GRK7: variants seen among roughly 807,000 people sequenced by gnomAD.
The protein encoded by GRK7 is rhodopsin kinase GRK7.
In GRK7, 24 loss-of-function variants were observed where a neutral mutation model predicts 34.1. That is an observed-to-expected ratio of 0.70 (90% CI 0.51 to 0.99). The LOEUF is 0.99. Ranked by LOEUF, GRK7 falls within the 50% of genes least tolerant of loss-of-function variation. The pLI, the probability that GRK7 is intolerant of heterozygous loss-of-function variation, is 0.00. For synonymous variants in GRK7, 256 were observed against 279.4 expected (o/e 0.92, Z 0.84); for missense variants, 644 against 707.3 (o/e 0.91, Z 1.02).
At chr3:141,807,489 A>G (rs1229116724) in intron 4 of GRK7, among the ~76,000 whole-genome samples, 156 bp from the exon 5 acceptor site, 2 of 152,216 alleles carry the variant, frequency 1.3e-5, no homozygotes, top group African/African-American at 4.8e-5. Flanking sequence ...AGCACAAAGA[A>G]TAGGTTAGAC....
At chr3:141,797,539 C>G (rs759622228) in intron 4 of GRK7, among the ~76,000 whole-genome samples, 4 of 152,202 alleles carry the variant, frequency 2.6e-5, no homozygotes, top group Non-Finnish European at 5.9e-5. Context: ...TGTTTTTTTC[C>G]TCTGCTCAAC....
chr3:141,809,009 G>A (rs1711064799), intron 5 of GRK7, among the ~76,000 whole-genome samples: 2 of 151,882 alleles, frequency 1.3e-5, no homozygotes, highest in South Asian at 4.2e-4. Flanking sequence ...GACCAGCCTG[G>A]CCAAGATATG....
chr3:141,819,024 A>C lies in GRK7; in HGVS notation c.*1974A>C, dbSNP rs1157303500. Among the ~76,000 whole-genome samples, 1 of 152,030 alleles carries C rather than the reference A, an allele frequency of 6.6e-6. No homozygotes were observed. The highest frequency in any genetic ancestry group is 1.5e-5 in the Non-Finnish European group (1 of 68,024). On this transcript the variant is annotated 3_prime_UTR_variant, in exon 6 of 6. Coordinates refer to ENST00000682958, the MANE Select transcript of GRK7 (RefSeq NM_139209.3). ...TAGATTTCTGTGTCACCAAAGCAGGATAGAAGTGTGCCCAGGAGATTTTTT... is the reference window on the plus strand; with the variant it reads ...TAGATTTCTGTGTCACCAAAGCAGGCTAGAAGTGTGCCCAGGAGATTTTTT...
rs1397439354 is a variant in GRK7, at chr3:141,818,057, T to C, written c.*1007T>C. 6.6e-6 allele frequency: 1 copy of C among 152,250 alleles called. No individual in the cohort carries two copies. The highest frequency in any genetic ancestry group is 1.5e-5 in the Non-Finnish European group (1 of 68,044). 9.4% of individuals were successfully genotyped at this position (152,250 alleles called of 1,614,324 possible). A position where few individuals can be genotyped will look rare whatever the true frequency, so the allele number is the denominator to read the frequency against. On this transcript the variant is annotated 3_prime_UTR_variant, in exon 6 of 6. Coordinates refer to ENST00000682958, the MANE Select transcript of GRK7 (RefSeq NM_139209.3). ...GCATGTCATTTTAGTAATTGCAGTA[T>C]AAATGAAACAAGACAGTCTATTCAT...
intron 2 of GRK7, among the ~76,000 whole-genome samples, chr3:141,776,794 C>G (rs2084641765): frequency 6.7e-6 from 1 of 150,372 alleles, no homozygotes; most frequent in East Asian, 1.9e-4. Context: ...TTTTCCCCCT[C>G]CTTCTCCCTC....
At chr3:141,755,130 G>A in the GRK7 span, among the ~76,000 whole-genome samples, 2 of 152,204 alleles carry the variant, frequency 1.3e-5, no homozygotes, top group African/African-American at 4.8e-5. Context: ...AATAGAAATA[G>A]CATGTGGTGG....
chr3:141,799,638 G>A lies in GRK7; in HGVS notation c.1051-8007G>A, dbSNP rs569072231. On this transcript the variant is annotated intron_variant, in intron 4 of 5. Coordinates refer to ENST00000682958, the MANE Select transcript of GRK7 (RefSeq NM_139209.3). The stretch of plus-strand genomic sequence containing the variant: ...AAAAAAAAAACAAGGTGCAGCCTGT[G>A]TGTGATTCTTAGGTTGGTGATCTTA... Among the ~76,000 whole-genome samples the A allele has an allele frequency of 6.6e-4, 100 of 152,044 alleles. 3 individuals are homozygous for A. The highest frequency in any genetic ancestry group is 3.4e-3 in the Middle Eastern group (1 of 292).
chr3:141,807,879 C>G lies in GRK7; in HGVS notation c.1285C>G (p.Leu429Val). The G allele has an allele frequency of 6.2e-7, 1 of 1,605,750 alleles. No homozygotes were observed. The highest frequency in any genetic ancestry group is 8.5e-7 in the Non-Finnish European group (1 of 1,175,168). ...FTEEAKDICR[L>V]FLAKKPEQRL... ...AGAGGAAGCAAAAGATATTTGCAGG[C>G]TCTTCTTGGCTAAGAAACCAGAGCA... is the stretch of plus-strand genomic sequence containing the variant. The change falls in exon 5 of 6, where the codon CTC (leucine) becomes GTC (valine). Residue 429 changes from leucine to valine, a missense_variant. Transcript: ENST00000682958.
intron 1 of GRK7, among the ~76,000 whole-genome samples, chr3:141,769,204 C>A (rs1459703008): frequency 6.6e-6 from 1 of 152,164 alleles, no homozygotes; most frequent in Non-Finnish European, 1.5e-5. Context: ...CAGGTTTTCC[C>A]TGTCTTGGTG....
At chr3:141,771,574 A>G (rs1242848687) in intron 1 of GRK7, among the ~76,000 whole-genome samples, 2 of 152,104 alleles carry the variant, frequency 1.3e-5, no homozygotes, top group African/African-American at 4.8e-5. Context: ...GTAAGGGATA[A>G]CAAATTACTT....
At chr3:141,762,443 G>A (rs1168653620), upstream of GRK7, among the ~76,000 whole-genome samples, 2 of 148,372 alleles carry the variant, frequency 1.3e-5, no homozygotes, top group African/African-American at 5.0e-5. Flanking sequence ...CAGGGGTCAG[G>A]GACCCACTTG....
At position 141,780,478 on chromosome 3, in the gene GRK7, A is replaced by G. The variant is rs1230479224; in HGVS notation, c.717A>G (p.Glu239=). ...GTGGCGAGAAGATGGCTCTCTTGGA[A>G]AAGGAAATCTTGGAGAAGGTCAGCA... is the stretch of plus-strand genomic sequence containing the variant. The part of the protein sequence containing the change: ...KKGGEKMALL[E]KEILEKVSSP... Residue 239 remains glutamate (E), a synonymous_variant, in exon 4 of 6, where the codon GAA becomes GAG. Transcript: ENST00000682958. 1.9e-6 allele frequency: 3 copies of G among 1,614,254 alleles called. No homozygotes were observed. Among genetic ancestry groups the G allele is most frequent in the Non-Finnish European group, 1.7e-6 (2 of 1,180,046 alleles).
At chr3:141,751,315 A>T in the GRK7 span, among the ~76,000 whole-genome samples, 1 of 152,104 alleles carries the variant, frequency 6.6e-6, no homozygotes, top group Non-Finnish European at 1.5e-5. Context: ...TTATATATTT[A>T]TAATAAAAGT....
upstream of GRK7, among the ~76,000 whole-genome samples, chr3:141,762,298 G>A (rs2107868277): frequency 6.6e-6 from 1 of 151,814 alleles, no homozygotes; most frequent in Non-Finnish European, 1.5e-5. Flanking sequence ...TTTTCGGTGT[G>A]GATGTCCTTT....
chr3:141,815,084 C>T (rs1034098632), intron 5 of GRK7, among the ~76,000 whole-genome samples: 1 of 152,038 alleles, frequency 6.6e-6, no homozygotes, highest in African/African-American at 2.4e-5. Flanking sequence ...TCTGTCACAC[C>T]TGTCTAATTT....
At position 141,778,557 on chromosome 3, in the gene GRK7, GA is replaced by G. The variant is rs758007042; in HGVS notation, c.275del (p.Asn92ThrfsTer56). The G allele has an allele frequency of 2.2e-5, 35 of 1,613,200 alleles. No individual in the cohort carries two copies. In the African/African-American group the frequency reaches 4.3e-4, roughly 20 times the overall value. On this transcript the variant is annotated frameshift_variant, in exon 3 of 6. Transcript: ENST00000682958. LOFTEE classifies it high-confidence loss of function. This position sits in a 1 kb window ranked among gnomAD's most constrained non-coding sequence, Gnocchi z 4.1. ...CGGCAACCTTCCTAGAGGACGTGCA[GA>G]ACTGGGAGCTGGCCGAGGAGGGACC... ...KAATFLEDVQNWELAEEGPTK... is the reference protein window; with the variant it reads ...KAATFLEDVQXWELAEEGPTK...
chr3:141,780,970 T>C (rs1452844433), intron 4 of GRK7, among the ~76,000 whole-genome samples, 159 bp downstream of exon 4: 1 of 152,186 alleles, frequency 6.6e-6, no homozygotes, highest in Non-Finnish European at 1.5e-5. Flanking sequence ...ATGAGTGGTG[T>C]AAGAGGATTA....
chr3:141,772,281 G>A (rs996370945), intron 1 of GRK7, among the ~76,000 whole-genome samples: 6 of 151,112 alleles, frequency 4.0e-5, no homozygotes, highest in African/African-American at 1.5e-4. Flanking sequence ...TTTTAGTAGA[G>A]ATGAGGTTTC....
intron 2 of GRK7, among the ~76,000 whole-genome samples, chr3:141,775,139 G>A (rs142024925): frequency 4.8e-4 from 73 of 152,162 alleles, no homozygotes; most frequent in African/African-American, 1.4e-3. Flanking sequence ...AGTGGCTCAC[G>A]CCTGTAATTT....
Sources: allele counts gnomAD v4.1 joint callset (sites outside exome capture counted in the v4.1 genomes callset), GRCh38; gene constraint gnomAD v4.1.1; non-coding constraint Gnocchi (gnomAD v3.1); transcripts MANE v1.5; gene names NCBI Gene and HGNC (gene_info 2026-07-23, HGNC 2026-07-21).